TRAPPC9: variants seen among roughly 807,000 people sequenced by gnomAD.
The protein encoded by TRAPPC9 is trafficking protein particle complex subunit 9.
In TRAPPC9, 83 loss-of-function variants were observed where a neutral mutation model predicts 124.0. That is an observed-to-expected ratio of 0.67 (90% CI 0.56 to 0.80). The LOEUF (loss-of-function observed/expected upper bound fraction) is 0.80. TRAPPC9 is among the 30% of genes least tolerant of loss of function. The pLI, the probability that TRAPPC9 is intolerant of heterozygous loss-of-function variation, is 0.00. For synonymous variants in TRAPPC9, 638 were observed against 617.5 expected (o/e 1.03, Z -0.49); for missense variants, 1,302 against 1,508.3 (o/e 0.86, Z 2.27).
chr8:140,085,407 C>A (rs1302582168), intron 17 of TRAPPC9, among the ~76,000 whole-genome samples: 5 of 151,078 alleles, frequency 3.3e-5, no homozygotes, highest in African/African-American at 9.7e-5. Context: ...CCTCTTGTAT[C>A]TTTACCATCC....
intron 17 of TRAPPC9, among the ~76,000 whole-genome samples, chr8:140,118,276 A>G (rs1226502757): frequency 6.6e-6 from 1 of 152,246 alleles, no homozygotes; most frequent in Non-Finnish European, 1.5e-5. Flanking sequence ...GCTAGAACAA[A>G]GCAACTACTG....
chr8:140,439,049 T>C lies in TRAPPC9; in HGVS notation c.730+3A>G. On this transcript the variant is annotated splice_donor_region_variant and intron_variant, in intron 3 of 22. Transcript: ENST00000438773. ...TCAGATCATCTTCATCAGCTCATCT[T>C]ACCTCCAAGCCACAGAAAGTCATTC... 2 of 1,614,136 alleles carry C rather than the reference T, an allele frequency of 1.2e-6. No individual in the cohort carries two copies. Among genetic ancestry groups the C allele is most frequent in the Non-Finnish European group, 1.7e-6 (2 of 1,180,012 alleles).
intron 6 of TRAPPC9, among the ~76,000 whole-genome samples, chr8:140,398,510 C>T (rs1471979916): frequency 1.3e-5 from 2 of 152,112 alleles, no homozygotes; most frequent in African/African-American, 4.8e-5. Context: ...GATCTCAGTT[C>T]TTGTTGGGAA....
In TRAPPC9 at chr8:139,742,941, G is replaced by C. The variant is rs905290334; in HGVS notation, c.3056-10739C>G. 6.6e-6 allele frequency among the ~76,000 whole-genome samples: 1 copy of C among 152,144 alleles called. No individual in the cohort carries two copies. The highest frequency in any genetic ancestry group is 2.4e-5 in the African/African-American group (1 of 41,446). ...GAGAGGCGGGTTTCCTCTGTCTAGG[G>C]TGGTGCTGAGCATGAGTTTCTGCCG... is the stretch of plus-strand genomic sequence containing the variant. On this transcript the variant is annotated intron_variant, in intron 21 of 22. Transcript: ENST00000438773. This position sits in a 1 kb window ranked among gnomAD's most constrained non-coding sequence, Gnocchi z 4.7.
At chr8:140,008,801 C>A (rs1245132271) in intron 18 of TRAPPC9, among the ~76,000 whole-genome samples, 3 of 152,184 alleles carry the variant, frequency 2.0e-5, no homozygotes, top group Admixed American at 6.5e-5. Context: ...ACAAAGGAGT[C>A]TTAATGTGGC....
chr8:140,263,875 G>A (rs1308532924), intron 15 of TRAPPC9, among the ~76,000 whole-genome samples: 2 of 152,170 alleles, frequency 1.3e-5, no homozygotes, highest in Non-Finnish European at 2.9e-5. Flanking sequence ...GCCGGCTGCT[G>A]CAGCTGTCCT....
At chr8:140,149,389 G>A (rs951097718) in intron 17 of TRAPPC9, among the ~76,000 whole-genome samples, 3 of 152,176 alleles carry the variant, frequency 2.0e-5, no homozygotes, top group Non-Finnish European at 2.9e-5. Flanking sequence ...GGAGGCCAAG[G>A]TGGGTGGATC....
chr8:140,420,254 G>A (rs2070153625), intron 5 of TRAPPC9, among the ~76,000 whole-genome samples: 1 of 152,060 alleles, frequency 6.6e-6, no homozygotes, highest in African/African-American at 2.4e-5. Flanking sequence ...TGGATTACAA[G>A]ATATAATCTT....
intron 21 of TRAPPC9, among the ~76,000 whole-genome samples, chr8:139,759,681 A>G (rs1172803045): frequency 6.6e-6 from 1 of 152,168 alleles, no homozygotes; most frequent in African/African-American, 2.4e-5. Flanking sequence ...CCTCTGGGAA[A>G]CACGAACTGC....
chr8:140,272,309 G>T (rs2064955833), intron 15 of TRAPPC9, among the ~76,000 whole-genome samples: 12 of 151,678 alleles, frequency 7.9e-5, no homozygotes, highest in Admixed American at 7.9e-4. Flanking sequence ...AGTGGTGGTT[G>T]TGGTGGTTAT....
rs111430416 is a variant in TRAPPC9 at position 140,288,016 on chromosome 8, A to G, written c.1855-282T>C. 2.0e-3 allele frequency among the ~76,000 whole-genome samples: 309 copies of G among 152,328 alleles called. 2 individuals carry two copies. The highest frequency in any genetic ancestry group is 7.2e-3 in the African/African-American group (300 of 41,562). Reference sequence around the variant, plus strand: ...TTTACCAAATGGGAATGTGAACACAAAGAGAAAATATTTTATTTATAAACA... The same window carrying G: ...TTTACCAAATGGGAATGTGAACACAGAGAGAAAATATTTTATTTATAAACA... On this transcript the variant is annotated intron_variant, in intron 12 of 22. Coordinates refer to ENST00000438773, the MANE Select transcript of TRAPPC9 (RefSeq NM_001160372.4).
chr8:140,217,621 T>C (rs952452100), intron 17 of TRAPPC9, among the ~76,000 whole-genome samples: 2 of 152,054 alleles, frequency 1.3e-5, no homozygotes, highest in Non-Finnish European at 2.9e-5. Context: ...AAACACCTGC[T>C]CCCCAAAATT....
chr8:140,272,014 G>A (rs370974868), intron 15 of TRAPPC9, among the ~76,000 whole-genome samples: 16 of 59,486 alleles, frequency 2.7e-4, no homozygotes, highest in Non-Finnish European at 4.1e-4. Flanking sequence ...TGGTGGTGAC[G>A]GGTGATGGTG....
At chr8:140,367,640 T>C (rs532081274) in intron 8 of TRAPPC9, among the ~76,000 whole-genome samples, 1 of 151,996 alleles carries the variant, frequency 6.6e-6, no homozygotes, top group Non-Finnish European at 1.5e-5. Flanking sequence ...CTGTATGATA[T>C]CATAATGGTG....
At chr8:140,266,969 C>A (rs2064688142) in intron 15 of TRAPPC9, among the ~76,000 whole-genome samples, 1 of 152,152 alleles carries the variant, frequency 6.6e-6, no homozygotes, top group African/African-American at 2.4e-5. Flanking sequence ...GAGAGACCCA[C>A]AAAGGTCTGT....
At chr8:140,423,910 A>G (rs966994745) in intron 5 of TRAPPC9, among the ~76,000 whole-genome samples, 1 of 152,172 alleles carries the variant, frequency 6.6e-6, no homozygotes, top group Non-Finnish European at 1.5e-5. Context: ...TTTATATGAG[A>G]TGTCCAGAAC....
intron 2 of TRAPPC9, among the ~76,000 whole-genome samples, chr8:140,440,902 G>A (rs1046309822): frequency 2.0e-5 from 3 of 151,332 alleles, no homozygotes; most frequent in African/African-American, 7.3e-5. Flanking sequence ...GGTTCTCAAG[G>A]AAGCCTTCCC....
chr8:140,153,744 C>T (rs2061585452), intron 17 of TRAPPC9, among the ~76,000 whole-genome samples: 1 of 152,188 alleles, frequency 6.6e-6, no homozygotes, highest in Non-Finnish European at 1.5e-5. Context: ...TTATAACATT[C>T]AATTGCTAAA....
intron 17 of TRAPPC9, among the ~76,000 whole-genome samples, chr8:140,210,219 G>A (rs1441436568): frequency 1.3e-5 from 2 of 152,228 alleles, no homozygotes; most frequent in Admixed American, 6.5e-5. Flanking sequence ...GCCTGCCTCT[G>A]CCGCTGAACT....
Sources: allele counts gnomAD v4.1 joint callset (sites outside exome capture counted in the v4.1 genomes callset), GRCh38; gene constraint gnomAD v4.1.1; non-coding constraint Gnocchi (gnomAD v3.1); transcripts MANE v1.5; gene names NCBI Gene and HGNC (gene_info 2026-07-23, HGNC 2026-07-21).